LYSMD2: variants seen among roughly 807,000 people sequenced by gnomAD.
The protein encoded by LYSMD2 is LysM domain containing 2.
LYSMD2 carries 6 observed loss-of-function variants against 17.7 expected under a neutral mutation model. That is an observed-to-expected ratio of 0.34 (90% CI 0.19 to 0.67). The LOEUF is 0.67. LYSMD2 is among the 30% of genes least tolerant of loss of function. LYSMD2 has a pLI of 0.69. For synonymous variants in LYSMD2, 102 were observed against 129.8 expected (o/e 0.79, Z 1.45); for missense variants, 237 against 286.7 (o/e 0.83, Z 1.25).
chr15:51,742,742 G>A (rs1210122482), intron 1 of LYSMD2, among the ~76,000 whole-genome samples: 1 of 152,088 alleles, frequency 6.6e-6, no homozygotes, highest in Non-Finnish European at 1.5e-5. Context: ...AGAATCCCTT[G>A]AGGTCAGGAG....
intron 2 of LYSMD2, among the ~76,000 whole-genome samples, chr15:51,724,514 C>T (rs574208637): frequency 9.2e-5 from 14 of 151,828 alleles, no homozygotes; most frequent in Non-Finnish European, 1.8e-4. Context: ...ACAGATAAAG[C>T]CTTGTGCATC....
At chr15:51,737,713 A>G (rs563360803), upstream of LYSMD2, 5 of 955,672 alleles carry the variant, frequency 5.2e-6, no homozygotes, top group African/African-American at 6.9e-5. The surrounding 1 kb of genome is among the most constrained non-coding windows in gnomAD (Gnocchi z 4.2). Flanking sequence ...TCCTCTTCAC[A>G]GGGGCTGCAG....
chr15:51,731,171 C>T (rs1045348842), intron 1 of LYSMD2, among the ~76,000 whole-genome samples: 3 of 152,184 alleles, frequency 2.0e-5, no homozygotes, highest in African/African-American at 7.2e-5. Flanking sequence ...GGCCTCACAA[C>T]TCTGTAAATT....
chr15:51,734,034 T>C (rs1943465467), intron 1 of LYSMD2, among the ~76,000 whole-genome samples: 1 of 151,992 alleles, frequency 6.6e-6, no homozygotes, highest in African/African-American at 2.4e-5. Context: ...AATACAAAAA[T>C]TAGCCGGGCA....
intron 1 of LYSMD2, among the ~76,000 whole-genome samples, chr15:51,727,974 G>A (rs1205282933): frequency 6.6e-6 from 1 of 152,170 alleles, no homozygotes; most frequent in African/African-American, 2.4e-5. Context: ...ATACAGCATA[G>A]TACTCAGAAG....
At chr15:51,740,779 C>T (rs143937218), upstream of LYSMD2, among the ~76,000 whole-genome samples, 64 of 148,838 alleles carry the variant, frequency 4.3e-4, no homozygotes, top group African/African-American at 1.4e-3. Flanking sequence ...TTCCTGGTGG[C>T]GTAGGAGCAG....
intron 1 of LYSMD2, among the ~76,000 whole-genome samples, chr15:51,735,929 T>C (rs571922496): frequency 6.6e-6 from 1 of 152,332 alleles, no homozygotes; most frequent in African/African-American, 2.4e-5. Flanking sequence ...ACTGTCCTCC[T>C]TCAGTAGCCA....
At chr15:51,742,250 G>C (rs2055646635), upstream of LYSMD2, among the ~76,000 whole-genome samples, 1 of 152,106 alleles carries the variant, frequency 6.6e-6, no homozygotes, top group Admixed American at 6.5e-5. Context: ...ATGTTGGCCA[G>C]GCTGGTCTTG....
chr15:51,735,102 C>G (rs968590617), intron 1 of LYSMD2, among the ~76,000 whole-genome samples: 1 of 151,854 alleles, frequency 6.6e-6, no homozygotes, highest in Non-Finnish European at 1.5e-5. Flanking sequence ...TGAGCAGCGG[C>G]AGCTGAGGCT....
intron 1 of LYSMD2, among the ~76,000 whole-genome samples, chr15:51,727,498 C>T (rs2055547661): frequency 6.6e-6 from 1 of 152,216 alleles, no homozygotes; most frequent in Non-Finnish European, 1.5e-5. Flanking sequence ...ACTATGCCCA[C>T]ATTCAGTAAA....
chr15:51,724,824 T>C lies in LYSMD2; in HGVS notation c.571A>G (p.Thr191Ala), dbSNP rs1274956791. ...QRLDLQIKLS[T>A]QAAKKLKEES... ...TCTTTTAGCTTCTTGGCTGCCTGTG[T>C]TGATAACTTAATCTGCAAGTCAAGT... The change falls in exon 2 of 3, where the codon ACA becomes GCA. Residue 191 changes from threonine to alanine, a missense_variant. Thr to Ala is a moderately conservative substitution (Grantham distance 58, BLOSUM62 0). Transcript: ENST00000267838. 1.2e-6 allele frequency: 2 copies of C among 1,613,982 alleles called. No individual in the cohort carries two copies. The highest frequency in any genetic ancestry group is 1.1e-5 in the South Asian group (1 of 91,056).
intron 2 of LYSMD2, 95 bp downstream of exon 2, chr15:51,724,695 A>C: frequency 1.4e-6 from 1 of 705,696 alleles, no homozygotes; most frequent in East Asian, 3.1e-5. Flanking sequence ...AAGAAAAGAA[A>C]AGGCAAAGAA....
intron 1 of LYSMD2, among the ~76,000 whole-genome samples, chr15:51,745,090 A>G (rs2055660839): frequency 6.6e-6 from 1 of 152,198 alleles, no homozygotes; most frequent in Non-Finnish European, 1.5e-5. Flanking sequence ...CTGAATAGAC[A>G]TAGGACAAGC....
intron 1 of LYSMD2, among the ~76,000 whole-genome samples, chr15:51,744,981 G>A (rs1371620746): frequency 3.3e-5 from 5 of 152,082 alleles, no homozygotes; most frequent in African/African-American, 1.2e-4. Flanking sequence ...AGAATGTTAT[G>A]AACAACTGTG....
chr15:51,751,272 T>A, exon 1 of LYSMD2: 1 of 702,350 alleles, frequency 1.4e-6, no homozygotes, highest in South Asian at 1.5e-5. Context: ...GGTCTGTACC[T>A]GAGACCGCTC....
At chr15:51,738,995 C>T (rs2055630114), upstream of LYSMD2, among the ~76,000 whole-genome samples, 1 of 152,126 alleles carries the variant, frequency 6.6e-6, no homozygotes, top group African/African-American at 2.4e-5. Context: ...ACTTTCATAC[C>T]TTGCATGTTA....
intron 1 of LYSMD2, among the ~76,000 whole-genome samples, chr15:51,736,967 G>A (rs1440758163): frequency 6.6e-6 from 1 of 152,236 alleles, no homozygotes; most frequent in East Asian, 1.9e-4. Context: ...TAAATATAGA[G>A]TAGTGTGATG....
chr15:51,725,571 A>G (rs946334017), intron 1 of LYSMD2, among the ~76,000 whole-genome samples: 3 of 152,026 alleles, frequency 2.0e-5, no homozygotes, highest in Non-Finnish European at 4.4e-5. Context: ...TATGAACATG[A>G]GCTTGTTACT....
chr15:51,730,983 T>C (rs1595849824), intron 1 of LYSMD2, among the ~76,000 whole-genome samples: 1 of 152,318 alleles, frequency 6.6e-6, no homozygotes, highest in Middle Eastern at 3.4e-3. Context: ...CCCCACACTG[T>C]CAGAAAAGTA....
Sources: allele counts gnomAD v4.1 joint callset (sites outside exome capture counted in the v4.1 genomes callset), GRCh38; gene constraint gnomAD v4.1.1; non-coding constraint Gnocchi (gnomAD v3.1); transcripts MANE v1.5; gene names NCBI Gene and HGNC (gene_info 2026-07-23, HGNC 2026-07-21).